The following RANBP17 variants were observed in gnomAD, a reference collection of about 807,000 sequenced individuals.
The protein encoded by RANBP17 is RAN binding protein 17.
Under a neutral mutation model 141.2 loss-of-function variants are expected in RANBP17, and 158 were observed. That is an observed-to-expected ratio of 1.12 (90% CI 0.98 to 1.28). RANBP17 has a LOEUF of 1.28. Ranked by LOEUF, RANBP17 falls within the 50% of genes most tolerant of loss-of-function variation. The probability of loss-of-function intolerance (pLI) is 0.00; values close to 1 mark genes in which losing one functional copy is unlikely to be tolerated. For synonymous variants in RANBP17, 430 were observed against 450.0 expected, an observed-to-expected ratio of 0.96 and a Z score of 0.56; for missense variants, 1,438 against 1,290.7, an observed-to-expected ratio of 1.11 and a Z score of -1.75.
intron 12 of RANBP17, among the ~76,000 whole-genome samples, chr5:170,926,850 C>T (rs2127450093): frequency 6.6e-6 from 1 of 152,230 alleles, no homozygotes; most frequent in South Asian, 2.1e-4. Context: ...ATTCTTACCT[C>T]CCTTATTTGC....
intron 3 of RANBP17, among the ~76,000 whole-genome samples, chr5:170,890,308 A>G (rs901324238): frequency 5.9e-5 from 9 of 152,306 alleles, no homozygotes; most frequent in African/African-American, 1.9e-4. Context: ...GAAATAAAAG[A>G]TTACATGCAA....
chr5:171,146,147 C>A (rs1758014104), intron 14 of RANBP17, among the ~76,000 whole-genome samples: 1 of 152,086 alleles, frequency 6.6e-6, no homozygotes, highest in Non-Finnish European at 1.5e-5. Context: ...CAAATAATAT[C>A]CTCTAAGGTA....
chr5:170,917,051 TA>T (rs1301366784), intron 9 of RANBP17, among the ~76,000 whole-genome samples: 2 of 152,160 alleles, frequency 1.3e-5, no homozygotes, highest in Non-Finnish European at 2.9e-5. Flanking sequence ...GGGTAGTTTT[TA>T]AAAATGGATG....
chr5:171,067,593 A>C (rs560957060), intron 14 of RANBP17, among the ~76,000 whole-genome samples: 2 of 152,176 alleles, frequency 1.3e-5, no homozygotes, highest in South Asian at 4.2e-4. Flanking sequence ...TTAGCTTCTT[A>C]AAAATTTTTT....
At chr5:170,952,690 A>G (rs531972194) in intron 12 of RANBP17, among the ~76,000 whole-genome samples, 55 of 152,114 alleles carry the variant, frequency 3.6e-4, no homozygotes, top group Non-Finnish European at 5.9e-4. Context: ...TTAATCAGAA[A>G]CAATTGATTT....
At chr5:171,242,579 A>T (rs1473427423) in intron 23 of RANBP17, 103 bp from the exon 24 acceptor site, 17 of 1,229,124 alleles carry the variant, frequency 1.4e-5, no homozygotes, top group Non-Finnish European at 1.9e-5. Flanking sequence ...TTGTGTTTAA[A>T]TAAGTTTACA....
At position 171,221,757 on chromosome 5, in the gene RANBP17, G is replaced by C. The variant is rs755753070; in HGVS notation, c.2340-1G>C. 1 of 1,593,640 alleles carries C rather than the reference G, an allele frequency of 6.3e-7. No homozygotes were observed. Among genetic ancestry groups the C allele is most frequent in the South Asian group, 1.1e-5 (1 of 90,082 alleles). On this transcript the variant is annotated splice_acceptor_variant, in intron 21 of 27. Coordinates refer to ENST00000523189, the MANE Select transcript of RANBP17 (RefSeq NM_022897.5). LOFTEE classifies it high-confidence loss of function. ...AGGCAATTTTTTTCTATATTTCTTA[G>C]ATCCCAGCGTTTGAATTTTGATGTA...
intron 24 of RANBP17, among the ~76,000 whole-genome samples, chr5:171,259,442 A>T (rs1446549723): frequency 6.6e-6 from 1 of 152,264 alleles, no homozygotes; most frequent in African/African-American, 2.4e-5. Context: ...CAGTATTCAC[A>T]GTAGCAAAGA....
At chr5:170,941,107 G>A (rs1318962686) in intron 12 of RANBP17, among the ~76,000 whole-genome samples, 1 of 152,028 alleles carries the variant, frequency 6.6e-6, no homozygotes, top group East Asian at 1.9e-4. Context: ...TATAGTGAAA[G>A]ACTTAATTCA....
chr5:171,089,393 A>G (rs1437581132), intron 14 of RANBP17, among the ~76,000 whole-genome samples: 4 of 151,272 alleles, frequency 2.6e-5, no homozygotes, highest in Admixed American at 1.3e-4. Flanking sequence ...AAGTTTGCAG[A>G]GGTTACTGCT....
intron 14 of RANBP17, among the ~76,000 whole-genome samples, chr5:171,084,268 AT>A (rs1785476411): frequency 6.7e-6 from 1 of 149,148 alleles, no homozygotes; most frequent in African/African-American, 2.5e-5. Context: ...AATTCCATCC[AT>A]GTCCCTACAA....
chr5:171,123,529 C>T (rs1756199530), intron 14 of RANBP17, among the ~76,000 whole-genome samples: 1 of 152,222 alleles, frequency 6.6e-6, no homozygotes, highest in Non-Finnish European at 1.5e-5. Flanking sequence ...AAACTGCCCA[C>T]CCCACTGCCA....
intron 14 of RANBP17, among the ~76,000 whole-genome samples, chr5:171,104,161 TCGA>T (rs1787381712): frequency 6.6e-6 from 1 of 152,114 alleles, no homozygotes; most frequent in African/African-American, 2.4e-5. Flanking sequence ...CCTCAGCCTT[TCGA>T]GTAGCTGGGG....
chr5:171,258,116 A>AAC (rs1554124850), intron 24 of RANBP17, among the ~76,000 whole-genome samples: 1 of 98,944 alleles, frequency 1.0e-5, no homozygotes, highest in Non-Finnish European at 2.0e-5. Flanking sequence ...AAAAAAAAAA[A>AAC]ATACACACAC....
chr5:170,906,816 T>C (rs1771110807), intron 5 of RANBP17, among the ~76,000 whole-genome samples: 1 of 151,942 alleles, frequency 6.6e-6, no homozygotes, highest in Admixed American at 6.6e-5. Flanking sequence ...CACCATTCTT[T>C]GGGTTCTTTC....
intron 21 of RANBP17, among the ~76,000 whole-genome samples, chr5:171,214,068 G>T (rs775288993): frequency 3.9e-5 from 6 of 152,178 alleles, no homozygotes; most frequent in Non-Finnish European, 8.8e-5. Context: ...CAATTCTATA[G>T]AATTTTAAAG....
intron 7 of RANBP17, among the ~76,000 whole-genome samples, chr5:170,913,635 A>AGTGGTAGGG (rs906572433): frequency 6.6e-6 from 1 of 151,960 alleles, no homozygotes; most frequent in African/African-American, 2.4e-5. Flanking sequence ...TTGTGGAGAG[A>AGTGGTAGGG]GTGGTAGGGG....
At position 170,949,635 on chromosome 5, in the gene RANBP17, G is replaced by C. The variant is rs368701126; in HGVS notation, c.1469-3962G>C. On this transcript the variant is annotated intron_variant, in intron 12 of 27. Coordinates refer to ENST00000523189, the MANE Select transcript of RANBP17 (RefSeq NM_022897.5). ...TACATTGCTGGTGGGAATGTAGAAT[G>C]GTGCAGCCGCTTTTGCAAACATTAT... Among the ~76,000 whole-genome samples the C allele has an allele frequency of 4.1e-4, 62 of 152,292 alleles. 1 individual carries two copies. In the South Asian group the frequency reaches 0.012, roughly 31 times the overall value.
chr5:171,175,801 CTTT>C (rs79299003), intron 16 of RANBP17, among the ~76,000 whole-genome samples: 1 of 144,220 alleles, frequency 6.9e-6, no homozygotes, highest in Admixed American at 7.0e-5. Flanking sequence ...TTTATCCAAA[CTTT>C]TTTTTTTTTT....
Sources: gnomAD v4.1 joint callset for allele counts (sites outside exome capture counted in the v4.1 genomes callset) on GRCh38, gnomAD v4.1.1 for gene constraint, MANE v1.5 for transcripts, NCBI Gene and HGNC (gene_info 2026-07-23, HGNC 2026-07-21) for gene names.